The following VRTN variants were observed in gnomAD, a reference collection of about 807,000 sequenced individuals.
VRTN encodes the protein vertebrae development associated.
Under a neutral mutation model 18.2 loss-of-function variants are expected in VRTN, and 5 were observed. That is an observed-to-expected ratio of 0.27 (90% confidence interval 0.14 to 0.58). The LOEUF (loss-of-function observed/expected upper bound fraction) is 0.58, where lower values mean the gene tolerates loss of function less well. Ranked by LOEUF, VRTN falls within the 20% of genes least tolerant of loss-of-function variation. VRTN has a pLI of 0.91. For missense variants in VRTN, 741 were observed against 939.4 expected (o/e 0.79, Z 2.76); for synonymous variants, 381 against 393.7 (o/e 0.97, Z 0.38).
At chr14:74,325,786 AAAAG>A (rs1201829973) in intron 1 of VRTN, among the ~76,000 whole-genome samples, 2 of 152,220 alleles carry the variant, frequency 1.3e-5, no homozygotes, top group African/African-American at 4.8e-5. Context: ...AAAAAAGAAA[AAAAG>A]AGGAAAGAAA....
chr14:74,317,192 G>T (rs1226426170), intron 1 of VRTN, among the ~76,000 whole-genome samples: 1 of 152,142 alleles, frequency 6.6e-6, no homozygotes, highest in Non-Finnish European at 1.5e-5. Flanking sequence ...ATGGAGTTAG[G>T]GAAATCAGAT....
chr14:74,348,712 G>C (rs2140210276), intron 1 of VRTN, 60 bp downstream of exon 1: 1 of 152,536 alleles, frequency 6.6e-6, no homozygotes, highest in Non-Finnish European at 1.5e-5. Flanking sequence ...CGTACAGTTT[G>C]GAGGCTCCAG....
intron 1 of VRTN, among the ~76,000 whole-genome samples, chr14:74,304,244 C>T (rs1024348438): frequency 6.6e-6 from 1 of 151,828 alleles, no homozygotes. Context: ...GCAACCTGTG[C>T]CTCCCGGGTT....
chr14:74,355,835 T>TC (rs2085723396), intron 1 of VRTN, among the ~76,000 whole-genome samples: 1 of 142,376 alleles, frequency 7.0e-6, no homozygotes, highest in Non-Finnish European at 1.5e-5. Context: ...GCCTCTCTCT[T>TC]TTTTTTTTTT....
At chr14:74,333,819 G>A (rs1041552061) in intron 1 of VRTN, among the ~76,000 whole-genome samples, 2 of 151,550 alleles carry the variant, frequency 1.3e-5, no homozygotes, top group African/African-American at 2.4e-5. Flanking sequence ...CAGCCTGGGC[G>A]ACAGAGCGAG....
At chr14:74,318,751 T>C (rs2140195360) in intron 1 of VRTN, among the ~76,000 whole-genome samples, 1 of 144,338 alleles carries the variant, frequency 6.9e-6, no homozygotes, top group Admixed American at 7.1e-5. Flanking sequence ...TCTTGCTCTG[T>C]TGCTCAGGGT....
At chr14:74,325,266 C>T (rs545884666) in intron 1 of VRTN, among the ~76,000 whole-genome samples, 50 of 151,936 alleles carry the variant, frequency 3.3e-4, no homozygotes, top group Non-Finnish European at 6.2e-4. Flanking sequence ...GAGAAACTAA[C>T]GCAGATTTGG....
Position 74,325,812 on chromosome 14 carries a change from A to G in VRTN, c.-163-11911A>G, listed in dbSNP as rs116414505. Among the ~76,000 whole-genome samples the G allele has an allele frequency of 1.7e-3, 266 of 152,304 alleles. 1 individual carries two copies. The highest frequency in any genetic ancestry group is 6.0e-3 in the African/African-American group (248 of 41,574). The stretch of plus-strand genomic sequence containing the variant: ...AAAGAGGAAAGAAATATTAATACAT[A>G]ATAAACATACATTTAAAAGATTAAT... On this transcript the variant is annotated intron_variant, in intron 1 of 2. Transcript: ENST00000557177.
chr14:74,312,828 C>T (rs1176159667), intron 1 of VRTN, among the ~76,000 whole-genome samples: 4 of 141,370 alleles, frequency 2.8e-5, no homozygotes, highest in South Asian at 4.5e-4. Context: ...CTGCAACCTT[C>T]GCCTCCCAGG....
rs773840813 is a variant in VRTN at position 74,357,359 on chromosome 14, C to A, written c.576C>A (p.Pro192=). Residue 192 remains proline, a synonymous_variant, in exon 2 of 2, where the codon CCC becomes CCA. Coordinates refer to ENST00000256362, the MANE Select transcript of VRTN (RefSeq NM_018228.3). This position sits in a 1 kb window ranked among gnomAD's most constrained non-coding sequence, Gnocchi z 7.8. Reference sequence around the variant, plus strand: ...AGCGGAACATCTACTCCATCTACCCCATGCGCAACCTCAAGATCCGGCCCT... The same window carrying A: ...AGCGGAACATCTACTCCATCTACCCAATGCGCAACCTCAAGATCCGGCCCT... The part of the protein sequence containing the change: ...VLQRNIYSIY[P]MRNLKIRPYF... 2.9e-5 allele frequency: 46 copies of A among 1,613,958 alleles called. 1 individual carries two copies. Among genetic ancestry groups the A allele is most frequent in the South Asian group, 1.9e-4 (17 of 91,082 alleles).
chr14:74,314,385 A>G (rs1442839058), intron 1 of VRTN, among the ~76,000 whole-genome samples: 1 of 147,174 alleles, frequency 6.8e-6, no homozygotes, highest in African/African-American at 2.5e-5. Flanking sequence ...ACTCAAGAAA[A>G]AAACTGTTCT....
chr14:74,340,959 G>A (rs2085601606), intron 2 of VRTN, among the ~76,000 whole-genome samples: 1 of 151,860 alleles, frequency 6.6e-6, no homozygotes, highest in African/African-American at 2.4e-5. Flanking sequence ...GGCCAGGATG[G>A]TCTTGATCTC....
At chr14:74,347,549 G>A (rs1479257227), upstream of VRTN, among the ~76,000 whole-genome samples, 7 of 152,236 alleles carry the variant, frequency 4.6e-5, no homozygotes, top group African/African-American at 1.7e-4. Context: ...GAGACAGCAC[G>A]GAGGAGCTGT....
At chr14:74,331,208 A>C (rs775200837) in intron 1 of VRTN, among the ~76,000 whole-genome samples, 7 of 115,504 alleles carry the variant, frequency 6.1e-5, no homozygotes, top group Non-Finnish European at 8.5e-5. Context: ...TCTCAAAAAT[A>C]AATAAATAAA....
At chr14:74,329,962 T>G (rs1476202797) in intron 1 of VRTN, among the ~76,000 whole-genome samples, 1 of 150,584 alleles carries the variant, frequency 6.6e-6, no homozygotes, top group African/African-American at 2.5e-5. Flanking sequence ...AACCTCTGCC[T>G]CCCGGTTCAA....
At chr14:74,306,887 G>A (rs550466845) in intron 1 of VRTN, among the ~76,000 whole-genome samples, 3 of 151,718 alleles carry the variant, frequency 2.0e-5, no homozygotes, top group East Asian at 3.9e-4. Flanking sequence ...ATTACAGGGC[G>A]GAGCCACCGC....
At chr14:74,319,554 G>A (rs947505977) in intron 1 of VRTN, among the ~76,000 whole-genome samples, 3 of 151,972 alleles carry the variant, frequency 2.0e-5, no homozygotes, top group Non-Finnish European at 4.4e-5. Context: ...TACTGGGGTT[G>A]GGAGTTATGG....
At chr14:74,312,576 G>A (rs1040979641) in intron 1 of VRTN, among the ~76,000 whole-genome samples, 3 of 151,792 alleles carry the variant, frequency 2.0e-5, no homozygotes, top group African/African-American at 7.3e-5. Flanking sequence ...TCAGCCTCCC[G>A]AGTAGCTGGG....
At chr14:74,327,803 C>T (rs1382383763) in intron 1 of VRTN, among the ~76,000 whole-genome samples, 1 of 152,196 alleles carries the variant, frequency 6.6e-6, no homozygotes, top group Non-Finnish European at 1.5e-5. Flanking sequence ...TCACTGCAAC[C>T]TGTGCCTCCC....
Sources: allele counts gnomAD v4.1 joint callset (sites outside exome capture counted in the v4.1 genomes callset), GRCh38; gene constraint gnomAD v4.1.1; non-coding constraint Gnocchi (gnomAD v3.1); transcripts MANE v1.5; gene names NCBI Gene and HGNC (gene_info 2026-07-23, HGNC 2026-07-21).